MYOM2: variants seen among roughly 807,000 people sequenced by gnomAD.
MYOM2 encodes the protein myomesin 2.
MYOM2 carries 254 observed loss-of-function variants against 187.6 expected under a neutral mutation model. That is an observed-to-expected ratio of 1.35 (90% CI 1.22 to 1.50). The LOEUF (loss-of-function observed/expected upper bound fraction) is 1.50, where lower values mean the gene tolerates loss of function less well. Ranked by LOEUF, MYOM2 falls within the 40% of genes most tolerant of loss-of-function variation. The probability of loss-of-function intolerance (pLI) is 0.00; values close to 1 mark genes in which losing one functional copy is unlikely to be tolerated. For missense variants in MYOM2, 2,796 were observed against 1,924.0 expected (o/e 1.45, Z -8.48); for synonymous variants, 981 against 753.8 (o/e 1.30, Z -4.94).
chr8:2,108,287 C>G (rs1796958424), intron 23 of MYOM2, among the ~76,000 whole-genome samples: 2 of 148,070 alleles, frequency 1.4e-5, no homozygotes, highest in South Asian at 2.2e-4. Flanking sequence ...TTTCTTCTTT[C>G]CTTTTTTTTT....
rs146153942 is a variant in MYOM2, at chr8:2,117,889, T to A, written c.3390T>A (p.Pro1130=). 3.7e-6 allele frequency: 6 copies of A among 1,612,436 alleles called. No individual in the cohort carries two copies. Among genetic ancestry groups the A allele is most frequent in the Non-Finnish European group, 5.1e-6 (6 of 1,179,348 alleles). Residue 1130 remains proline, a synonymous_variant, in exon 28 of 37, where the codon CCT becomes CCA. Coordinates refer to ENST00000262113, the MANE Select transcript of MYOM2 (RefSeq NM_003970.4). The stretch of plus-strand genomic sequence containing the variant: ...CTTCCCTTTTTTCCTCCCTAGGCCC[T>A]CATTTTGCTGAGTACTTGCACTGGG... ...QRKEFLRKQG[P]HFAEYLHWDV...
intron 18 of MYOM2, 32 bp downstream of exon 18, chr8:2,096,466 TG>T: frequency 6.2e-7 from 1 of 1,606,864 alleles, no homozygotes; most frequent in Non-Finnish European, 8.5e-7. Context: ...CGTCTATTTT[TG>T]CCTGGGTGGT....
intron 23 of MYOM2, 99 bp from the exon 24 acceptor site, chr8:2,108,687 T>TG: frequency 1.8e-6 from 2 of 1,128,032 alleles, no homozygotes; most frequent in Admixed American, 1.8e-5. Context: ...AATTAAATCC[T>TG]GGGGGTTTCC....
intron 8 of MYOM2, among the ~76,000 whole-genome samples, chr8:2,070,279 G>A (rs1252102666): frequency 6.6e-6 from 1 of 152,244 alleles, no homozygotes; most frequent in Admixed American, 6.5e-5. Context: ...ACTGTAATGC[G>A]AGGCTTAGTT....
In MYOM2 at chr8:2,109,507, C is replaced by T. The variant is rs2280897; in HGVS notation, c.3156C>T (p.Asn1052=). ...ATGCCAGCTACCGATTTATTATTAA[C>T]GACAGAGAAGTCTCTGACAGCGAGG... ...SPDASYRFII[N]DREVSDSEIH... Residue 1052 remains asparagine, a synonymous_variant, in exon 25 of 37, where the codon AAC becomes AAT. Coordinates refer to ENST00000262113, the MANE Select transcript of MYOM2 (RefSeq NM_003970.4). 228,882 of 1,612,120 alleles carry T rather than the reference C, an allele frequency of 0.14. 17,354 individuals are homozygous for T. The highest frequency in any genetic ancestry group is 0.26 in the East Asian group (11,599 of 44,646).
chr8:2,094,121 A>G (rs746693010), intron 17 of MYOM2, 30 bp downstream of exon 17: 20 of 1,613,088 alleles, frequency 1.2e-5, no homozygotes, highest in Non-Finnish European at 1.6e-5. Flanking sequence ...TTGTGTGCCG[A>G]TTGCTCCCAT....
At chr8:2,104,742 A>T (rs1226355555) in intron 21 of MYOM2, among the ~76,000 whole-genome samples, 1 of 152,176 alleles carries the variant, frequency 6.6e-6, no homozygotes, top group East Asian at 1.9e-4. Context: ...CTGCCCCACA[A>T]CATGGTAGAG....
intron 6 of MYOM2, among the ~76,000 whole-genome samples, chr8:2,062,152 C>T (rs1017357812): frequency 2.0e-5 from 3 of 152,174 alleles, no homozygotes; most frequent in African/African-American, 7.2e-5. Flanking sequence ...GGGGGGTTGG[C>T]AGGGGACAAG....
chr8:2,061,533 T>G (rs1818851839), intron 6 of MYOM2, among the ~76,000 whole-genome samples: 1 of 152,126 alleles, frequency 6.6e-6, no homozygotes, highest in Non-Finnish European at 1.5e-5. Flanking sequence ...TTCCTGATGC[T>G]CATCCTGGTG....
intron 19 of MYOM2, 106 bp from the exon 20 acceptor site, chr8:2,100,769 TG>T: frequency 1.9e-6 from 2 of 1,058,526 alleles, no homozygotes; most frequent in Non-Finnish European, 2.8e-6. Context: ...CGGATGGTCC[TG>T]GTGGGGGGCT....
At chr8:2,121,510 G>T (rs557212907) in intron 28 of MYOM2, among the ~76,000 whole-genome samples, 1 of 152,232 alleles carries the variant, frequency 6.6e-6, no homozygotes, top group East Asian at 1.9e-4. Context: ...AGGTTTGAGG[G>T]TTTTTTGTGC....
chr8:2,112,680 C>T (rs1866716), intron 25 of MYOM2, among the ~76,000 whole-genome samples: 65,437 of 151,984 alleles, frequency 0.43, 14,525 homozygotes, highest in East Asian at 0.58. Context: ...TGCTAATATT[C>T]GTCTTCTAAA....
chr8:2,096,281 C>T lies in MYOM2; in HGVS notation c.2160C>T (p.Leu720=), dbSNP rs1796480911. ...CCCATCCTTATGGGATTACGCTCCT[C>T]AACTGTGACGGCCACTCCATGACCC... is the stretch of plus-strand genomic sequence containing the variant. ...VPSHPYGITL[L]NCDGHSMTLG... The change falls in exon 18 of 37, where the codon CTC becomes CTT. Residue 720 remains leucine, a synonymous_variant. Coordinates refer to ENST00000262113, the MANE Select transcript of MYOM2 (RefSeq NM_003970.4). The T allele has an allele frequency of 1.2e-6, 2 of 1,614,150 alleles. No individual in the cohort carries two copies. The highest frequency in any genetic ancestry group is 1.3e-5 in the African/African-American group (1 of 75,050).
intron 2 of MYOM2, among the ~76,000 whole-genome samples, chr8:2,051,787 C>A (rs781085066): frequency 1.3e-5 from 2 of 152,178 alleles, no homozygotes; most frequent in African/African-American, 2.4e-5. Context: ...TGGGTGTGGG[C>A]ACACAGGGAC....
intron 6 of MYOM2, among the ~76,000 whole-genome samples, chr8:2,059,740 C>A (rs574941411): frequency 8.2e-6 from 1 of 121,620 alleles, no homozygotes; most frequent in Non-Finnish European, 1.7e-5. Context: ...GCGACACACA[C>A]ACTTTTTTTT....
chr8:2,143,896 C>G (rs1288677379), intron 36 of MYOM2, among the ~76,000 whole-genome samples: 2 of 152,228 alleles, frequency 1.3e-5, no homozygotes, highest in East Asian at 1.9e-4. Context: ...AAAAAAAAAT[C>G]TCTGCTCCTA....
At position 2,050,867 on chromosome 8, in the gene MYOM2, C is replaced by A; in HGVS notation, c.101C>A (p.Ser34Ter). The A allele has an allele frequency of 6.2e-7, 1 of 1,608,178 alleles. No individual in the cohort carries two copies. Among genetic ancestry groups the A allele is most frequent in the Non-Finnish European group, 8.5e-7 (1 of 1,175,030 alleles). Reference protein sequence around the residue: ...QTRYLLDEYASKKRASTQASS... With the variant: ...QTRYLLDEYA ...CGGTACCTGCTGGACGAATATGCGT[C>A]AAAAAAGTAAGCTGACATTCGCTGA... The change falls in exon 2 of 37, where the codon TCA becomes TAA. Residue 34 changes from serine to a stop codon, truncating the protein, a stop_gained. Coordinates refer to ENST00000262113, the MANE Select transcript of MYOM2 (RefSeq NM_003970.4). LOFTEE classifies it high-confidence loss of function.
At chr8:2,112,366 A>G (rs1221420800) in intron 25 of MYOM2, among the ~76,000 whole-genome samples, 1 of 125,046 alleles carries the variant, frequency 8.0e-6, no homozygotes, top group Non-Finnish European at 1.6e-5. Context: ...GGTTATTGAA[A>G]TGGGTGTTAA....
chr8:2,106,102 A>T, intron 21 of MYOM2, 140 bp from the exon 22 acceptor site: 2 of 806,734 alleles, frequency 2.5e-6, no homozygotes, highest in Non-Finnish European at 3.9e-6. Context: ...CAATCACCTC[A>T]CTCCCTCTAC....
Sources: allele counts gnomAD v4.1 joint callset (sites outside exome capture counted in the v4.1 genomes callset), GRCh38; gene constraint gnomAD v4.1.1; transcripts MANE v1.5; gene names NCBI Gene and HGNC (gene_info 2026-07-23, HGNC 2026-07-21).